KIF17: variants seen among roughly 807,000 people sequenced by gnomAD.
KIF17 encodes the protein kinesin family member 17, also known as kinesin-like protein KIF17.
In KIF17, 80 loss-of-function variants were observed where a neutral mutation model predicts 96.8. The observed-to-expected ratio is 0.83, with a 90% CI of 0.69 to 1.00. KIF17 has a LOEUF of 1.00. KIF17 is among the 50% of genes least tolerant of loss of function. The pLI is 0.00. For missense variants in KIF17, 1,280 were observed against 1,372.9 expected, an observed-to-expected ratio of 0.93 and a Z score of 1.07; for synonymous variants, 567 against 587.5, an observed-to-expected ratio of 0.97 and a Z score of 0.51.
rs1462201431 is a variant in KIF17 at position 20,717,857 on chromosome 1, C to CG, written c.-152dup. ...GCCGCGGCGGGGGGCGGGGACCCCT[C>CG]GGGGGGCGCCCCGGAGGGGAGCTGG... On this transcript the variant is annotated 5_prime_UTR_variant, in exon 1 of 15. Transcript: ENST00000400463. The CG allele has an allele frequency of 6.2e-5, 30 of 480,310 alleles. No individual in the cohort carries two copies. In the African/African-American group the frequency reaches 2.3e-3, roughly 38 times the overall value. 29.8% of individuals were successfully genotyped at this position (480,310 alleles called of 1,614,324 possible).
Position 20,682,129 on chromosome 1 carries a change from C to T in KIF17, c.2463+524G>A, listed in dbSNP as rs574411046. On this transcript the variant is annotated intron_variant, in intron 11 of 14. Transcript: ENST00000400463. Reference sequence around the variant, plus strand: ...ACCCACACACACACACAACACATACCCGCATGCATGCACACACATACAACA... The same window carrying T: ...ACCCACACACACACACAACACATACTCGCATGCATGCACACACATACAACA... Among the ~76,000 whole-genome samples, 38 of 152,018 alleles carry T rather than the reference C, an allele frequency of 2.5e-4. 1 individual carries two copies. Among genetic ancestry groups the T allele is most frequent in the Non-Finnish European group, 1.0e-4 (7 of 67,974 alleles).
Position 20,664,762 on chromosome 1 carries a change from G to A in KIF17, c.2909C>T (p.Thr970Ile). The change falls in exon 15 of 15, where the codon ACA becomes ATA. Residue 970 changes from threonine to isoleucine, a missense_variant and splice_region_variant. Coordinates refer to ENST00000400463, the MANE Select transcript of KIF17 (RefSeq NM_001122819.3). The part of the protein sequence containing the change: ...ILSTDARKSL[T>I]HHNSPPGLSC... Reference sequence around the variant, plus strand: ...GAGGCCTGGTGGCGAGTTGTGATGTGCTGTGGGGAAGAGGGCAGAGGTGCT... The same window carrying A: ...GAGGCCTGGTGGCGAGTTGTGATGTACTGTGGGGAAGAGGGCAGAGGTGCT... The A allele has an allele frequency of 6.2e-7, 1 of 1,611,842 alleles. No homozygotes were observed. The highest frequency in any genetic ancestry group is 2.2e-4 in the Middle Eastern group (1 of 4,490).
chr1:20,684,319 C>A (rs1570447017), intron 10 of KIF17, among the ~76,000 whole-genome samples: 1 of 152,198 alleles, frequency 6.6e-6, no homozygotes. Context: ...CTGTTGAACC[C>A]CTGGATGACC....
At chr1:20,702,058 G>A in intron 5 of KIF17, among the ~76,000 whole-genome samples, 1 of 152,190 alleles carries the variant, frequency 6.6e-6, no homozygotes, top group East Asian at 1.9e-4. Context: ...CGCATGCATT[G>A]TCTCTGGAGC....
At chr1:20,697,766 G>A (rs757864180) in intron 6 of KIF17, among the ~76,000 whole-genome samples, 3 of 152,194 alleles carry the variant, frequency 2.0e-5, no homozygotes, top group Non-Finnish European at 2.9e-5. Context: ...GGGGGCCCCC[G>A]CCATGCCTGG....
At chr1:20,703,708 T>G (rs2054287917) in intron 5 of KIF17, among the ~76,000 whole-genome samples, 1 of 151,638 alleles carries the variant, frequency 6.6e-6, no homozygotes, top group African/African-American at 2.4e-5. Context: ...AATGAATAGA[T>G]GGAGAGGAAG....
intron 11 of KIF17, among the ~76,000 whole-genome samples, chr1:20,680,774 C>T (rs151231694): frequency 3.0e-4 from 46 of 151,796 alleles, no homozygotes; most frequent in Non-Finnish European, 5.1e-4. Flanking sequence ...AAGATATCTA[C>T]GGGAGAATGA....
At chr1:20,663,970 G>A (rs554125970), downstream of KIF17, 3 of 161,014 alleles carry the variant, frequency 1.9e-5, no homozygotes, top group Admixed American at 1.7e-4. Flanking sequence ...CAATGGCAGG[G>A]AGGGGCCCCA....
chr1:20,679,630 T>A (rs2053796544), intron 11 of KIF17, among the ~76,000 whole-genome samples: 1 of 152,184 alleles, frequency 6.6e-6, no homozygotes, highest in African/African-American at 2.4e-5. Flanking sequence ...ACTCTGGCTG[T>A]CTTTGCAGGG....
chr1:20,688,097 A>C (rs1407514396), intron 7 of KIF17, among the ~76,000 whole-genome samples, 153 bp from the exon 8 acceptor site: 1 of 148,878 alleles, frequency 6.7e-6, no homozygotes, highest in African/African-American at 2.5e-5. Context: ...CCCGGGCTGG[A>C]GTGCAGTGGT....
At chr1:20,707,592 G>A (rs2054363007) in intron 4 of KIF17, among the ~76,000 whole-genome samples, 1 of 151,686 alleles carries the variant, frequency 6.6e-6, no homozygotes, top group African/African-American at 2.4e-5. Context: ...GCAACATGGC[G>A]AGATCCTGTC....
Position 20,704,747 on chromosome 1 carries a change from A to T in KIF17, c.823T>A (p.Ser275Thr). Residue 275 changes from serine to threonine, a missense_variant, in exon 5 of 15, where the codon TCG becomes ACG. Coordinates refer to ENST00000400463, the MANE Select transcript of KIF17 (RefSeq NM_001122819.3). This position sits in a 1 kb window ranked among gnomAD's most constrained non-coding sequence, Gnocchi z 6.8. Reference protein sequence around the residue: ...LSLSALGNVISALVDGRCKHV... With the variant: ...LSLSALGNVITALVDGRCKHV... Reference sequence around the variant, plus strand: ...TTACAGCGCCCGTCCACCAGCGCCGAGATGACATTGCCCAGTGCCGAGAGC... The same window carrying T: ...TTACAGCGCCCGTCCACCAGCGCCGTGATGACATTGCCCAGTGCCGAGAGC... The T allele has an allele frequency of 1.2e-6, 2 of 1,612,604 alleles. No individual in the cohort carries two copies. The highest frequency in any genetic ancestry group is 1.7e-6 in the Non-Finnish European group (2 of 1,179,284).
At chr1:20,688,371 C>A (rs1369047425) in intron 7 of KIF17, among the ~76,000 whole-genome samples, 1 of 152,204 alleles carries the variant, frequency 6.6e-6, no homozygotes, top group Admixed American at 6.5e-5. Flanking sequence ...TTCTAAAAGA[C>A]CAGCTTAAGA....
At chr1:20,666,363 C>T (rs2053528846) in intron 13 of KIF17, 32 bp from the exon 14 acceptor site, 2 of 1,542,174 alleles carry the variant, frequency 1.3e-6, no homozygotes, top group Non-Finnish European at 1.8e-6. Flanking sequence ...TGGTCACGTC[C>T]CCTTGTTTGT....
chr1:20,711,518 G>C (rs895245929), intron 3 of KIF17, among the ~76,000 whole-genome samples: 1 of 152,222 alleles, frequency 6.6e-6, no homozygotes, highest in African/African-American at 2.4e-5. Context: ...GCAAGGATGA[G>C]AGAGGGGAGC....
intron 4 of KIF17, among the ~76,000 whole-genome samples, chr1:20,705,461 G>A (rs551162896): frequency 6.6e-6 from 1 of 152,326 alleles, no homozygotes; most frequent in South Asian, 2.1e-4. Flanking sequence ...TAGGGTTTGT[G>A]AGACAAAGCG....
chr1:20,706,596 C>G (rs2054346377), intron 4 of KIF17, among the ~76,000 whole-genome samples: 1 of 150,292 alleles, frequency 6.7e-6, no homozygotes, highest in Non-Finnish European at 1.5e-5. Context: ...GTCTCAACAA[C>G]AACAACAACA....
chr1:20,661,980 G>A (rs2154534516), downstream of KIF17, among the ~76,000 whole-genome samples: 1 of 152,386 alleles, frequency 6.6e-6, no homozygotes. Context: ...GACTGTGGAT[G>A]GGCAGTAGAC....
intron 1 of KIF17, among the ~76,000 whole-genome samples, chr1:20,716,543 A>G (rs1238092769): frequency 1.3e-5 from 2 of 152,232 alleles, no homozygotes; most frequent in Non-Finnish European, 2.9e-5. Context: ...TCCAGGCGGC[A>G]AAGACAGGGA....
Sources: allele counts gnomAD v4.1 joint callset (sites outside exome capture counted in the v4.1 genomes callset), GRCh38; gene constraint gnomAD v4.1.1; non-coding constraint Gnocchi (gnomAD v3.1); transcripts MANE v1.5; gene names NCBI Gene and HGNC (gene_info 2026-07-23, HGNC 2026-07-21).